The following COMMD1 variants were observed in gnomAD, a reference collection of about 807,000 sequenced individuals.
COMMD1 encodes copper metabolism domain containing 1, also known as COMM domain-containing protein 1.
A neutral mutation model predicts 17.2 loss-of-function variants in COMMD1; 10 were observed. The observed-to-expected ratio is 0.58, with a 90% CI of 0.36 to 0.99. COMMD1 has a LOEUF of 0.99. Among genes scored for constraint, COMMD1 ranks in the 50% least tolerant of loss-of-function variants. The probability of loss-of-function intolerance (pLI) is 0.01; values close to 1 mark genes in which losing one functional copy is unlikely to be tolerated. For missense variants in COMMD1, 270 were observed against 231.8 expected (o/e 1.17, Z -1.07); for synonymous variants, 97 against 91.6 (o/e 1.06, Z -0.34).
Position 62,089,748 on chromosome 2 carries a change from G to A in COMMD1, c.463-46083G>A, listed in dbSNP as rs1442310473. On this transcript the variant is annotated intron_variant, in intron 2 of 2. Transcript: ENST00000311832. ...GATGAGAATTCATGGTTTGTAGGGC[G>A]TGACTCCCAAGACTCCTTTGAAAGG... 4.6e-5 allele frequency among the ~76,000 whole-genome samples: 7 copies of A among 152,158 alleles called. No homozygotes were observed. In the South Asian group the frequency reaches 1.0e-3, roughly 23 times the overall value.
At chr2:61,987,309 A>G (rs538065554) in intron 1 of COMMD1, among the ~76,000 whole-genome samples, 40 of 152,200 alleles carry the variant, frequency 2.6e-4, no homozygotes, top group African/African-American at 9.6e-4. Flanking sequence ...CATCTAGTAC[A>G]TCTTGTTTTT....
At chr2:61,923,628 T>C (rs1474871798) in intron 1 of COMMD1, among the ~76,000 whole-genome samples, 1 of 152,030 alleles carries the variant, frequency 6.6e-6, no homozygotes, top group Non-Finnish European at 1.5e-5. Flanking sequence ...CTGTGAACCA[T>C]GTGAGATAAG....
At chr2:62,056,483 T>C (rs898735975) in intron 2 of COMMD1, among the ~76,000 whole-genome samples, 12 of 152,208 alleles carry the variant, frequency 7.9e-5, no homozygotes, top group Non-Finnish European at 5.9e-5. Flanking sequence ...TTGTGTGACA[T>C]ATTCAACCTG....
upstream of COMMD1, among the ~76,000 whole-genome samples, chr2:61,902,697 A>G (rs148100117): frequency 4.8e-3 from 728 of 152,268 alleles, 4 homozygotes; most frequent in Non-Finnish European, 7.7e-3. Flanking sequence ...ATAAAGAATA[A>G]TATAGCTGGG....
intron 2 of COMMD1, among the ~76,000 whole-genome samples, chr2:62,132,494 T>C (rs1379257806): frequency 6.6e-6 from 1 of 152,176 alleles, no homozygotes; most frequent in Non-Finnish European, 1.5e-5. Flanking sequence ...TTAATATATA[T>C]GTTAGTTACT....
chr2:61,892,074 G>A (rs1362533341), intron 1 of COMMD1, among the ~76,000 whole-genome samples: 1 of 151,672 alleles, frequency 6.6e-6, no homozygotes, highest in African/African-American at 2.4e-5. Context: ...CCGGTGATCC[G>A]CCTGCCTTGG....
intron 1 of COMMD1, among the ~76,000 whole-genome samples, chr2:61,955,645 G>A (rs951195433): frequency 2.0e-5 from 3 of 152,036 alleles, no homozygotes; most frequent in Admixed American, 2.0e-4. Context: ...GAGTTTGTGT[G>A]TGTGTGAATT....
chr2:61,948,480 G>A (rs1018608755), intron 1 of COMMD1, among the ~76,000 whole-genome samples: 11 of 152,110 alleles, frequency 7.2e-5, no homozygotes, highest in Admixed American at 5.9e-4. Flanking sequence ...CCATCTGGAG[G>A]TAGGAAAATA....
chr2:61,996,674 C>G (rs955889958), intron 1 of COMMD1, among the ~76,000 whole-genome samples: 7 of 152,156 alleles, frequency 4.6e-5, no homozygotes, highest in African/African-American at 1.4e-4. Context: ...TTTACTAGGA[C>G]TAGATACCAA....
At chr2:61,945,907 T>C (rs1226253773) in intron 1 of COMMD1, among the ~76,000 whole-genome samples, 1 of 152,126 alleles carries the variant, frequency 6.6e-6, no homozygotes, top group Non-Finnish European at 1.5e-5. Context: ...AACTTCCAGG[T>C]AGCGGGTTTT....
chr2:61,995,310 C>T (rs1035906765), intron 1 of COMMD1, among the ~76,000 whole-genome samples: 1 of 152,074 alleles, frequency 6.6e-6, no homozygotes, highest in African/African-American at 2.4e-5. Flanking sequence ...CCTTTAGTGG[C>T]CCCTCATTAC....
intron 2 of COMMD1, among the ~76,000 whole-genome samples, chr2:62,085,788 G>T (rs1300060370): frequency 2.0e-5 from 3 of 151,180 alleles, no homozygotes; most frequent in Non-Finnish European, 1.5e-5. Flanking sequence ...GACCATCCTG[G>T]CTAACATGGT....
intron 2 of COMMD1, among the ~76,000 whole-genome samples, chr2:62,102,902 G>A (rs1672225107): frequency 6.6e-6 from 1 of 152,076 alleles, no homozygotes; most frequent in African/African-American, 2.4e-5. Context: ...AGGCCTTGCT[G>A]GGTTTCTCCA....
chr2:62,026,062 A>G (rs1669746769), intron 2 of COMMD1, among the ~76,000 whole-genome samples: 1 of 152,104 alleles, frequency 6.6e-6, no homozygotes, highest in Non-Finnish European at 1.5e-5. Context: ...TTATCATACA[A>G]CTAGTAGAAG....
intron 1 of COMMD1, among the ~76,000 whole-genome samples, chr2:61,961,235 G>T (rs2103695053): frequency 6.6e-6 from 1 of 152,340 alleles, no homozygotes; most frequent in East Asian, 1.9e-4. Flanking sequence ...AGGAGACAGA[G>T]TTATTTATAA....
intron 2 of COMMD1, among the ~76,000 whole-genome samples, chr2:62,132,676 C>G (rs966820875): frequency 1.3e-5 from 2 of 151,998 alleles, no homozygotes; most frequent in African/African-American, 4.8e-5. Context: ...GACACCCTGT[C>G]TCTATTGAAA....
chr2:61,946,521 A>G (rs1670911307), intron 1 of COMMD1, among the ~76,000 whole-genome samples: 1 of 152,328 alleles, frequency 6.6e-6, no homozygotes, highest in East Asian at 1.9e-4. Context: ...TTAAAAAGTA[A>G]AGAAAAATCT....
intron 2 of COMMD1, among the ~76,000 whole-genome samples, chr2:62,003,812 TATG>T (rs766718564): frequency 8.5e-5 from 13 of 152,244 alleles, no homozygotes; most frequent in Non-Finnish European, 1.6e-4. Context: ...CCTAGAAAGC[TATG>T]ATATTATTTC....
chr2:62,120,135 G>A (rs1672704749), intron 2 of COMMD1, among the ~76,000 whole-genome samples: 1 of 152,116 alleles, frequency 6.6e-6, no homozygotes, highest in Non-Finnish European at 1.5e-5. Flanking sequence ...TGAAGAGCTA[G>A]GATTACAGGT....
Sources: allele counts gnomAD v4.1 joint callset (sites outside exome capture counted in the v4.1 genomes callset), GRCh38; gene constraint gnomAD v4.1.1; transcripts MANE v1.5; gene names NCBI Gene and HGNC (gene_info 2026-07-23, HGNC 2026-07-21).